Variants in CCDC171 observed in about 807,000 individuals in gnomAD.
CCDC171 encodes coiled-coil domain-containing protein 171.
CCDC171 carries 177 observed loss-of-function variants against 168.2 expected under a neutral mutation model. That is an observed-to-expected ratio of 1.05 (90% confidence interval 0.93 to 1.19). The LOEUF (loss-of-function observed/expected upper bound fraction) is 1.19, where lower values mean the gene tolerates loss of function less well. Ranked by LOEUF, CCDC171 falls within the 50% of genes most tolerant of loss-of-function variation. CCDC171 has a pLI of 0.00. For synonymous variants in CCDC171, 687 were observed against 540.8 expected (o/e 1.27, Z -3.75); for missense variants, 1,991 against 1,539.0 (o/e 1.29, Z -4.91).
chr9:16,094,719 G>A, the CCDC171 span, among the ~76,000 whole-genome samples: 1 of 152,180 alleles, frequency 6.6e-6, no homozygotes, highest in Non-Finnish European at 1.5e-5. Flanking sequence ...TAATATTAAA[G>A]CAAACAAGTT....
At chr9:15,822,912 A>G (rs1420683875) in intron 21 of CCDC171, among the ~76,000 whole-genome samples, 3 of 152,202 alleles carry the variant, frequency 2.0e-5, no homozygotes, top group East Asian at 1.9e-4. Context: ...ACTATTCACA[A>G]TAGCAAAGAC....
chr9:15,740,864 G>T (rs1472182138), intron 16 of CCDC171, among the ~76,000 whole-genome samples: 3 of 152,116 alleles, frequency 2.0e-5, no homozygotes, highest in Non-Finnish European at 4.4e-5. Context: ...TTTTTTGGTG[G>T]AATTGTACTA....
intron 7 of CCDC171, among the ~76,000 whole-genome samples, chr9:15,656,406 G>A (rs1423005943): frequency 6.6e-6 from 1 of 151,810 alleles, no homozygotes; most frequent in East Asian, 1.9e-4. Context: ...AGAAATGAAA[G>A]TGTGTGTCTC....
the CCDC171 span, among the ~76,000 whole-genome samples, chr9:16,085,725 AT>A: frequency 6.6e-6 from 1 of 152,204 alleles, no homozygotes; most frequent in East Asian, 1.9e-4. Flanking sequence ...CATGAACATT[AT>A]TCCTTTTTAA....
chr9:15,814,481 C>T (rs1215263214), intron 21 of CCDC171, among the ~76,000 whole-genome samples: 1 of 152,086 alleles, frequency 6.6e-6, no homozygotes. Context: ...GAAACTGTTA[C>T]TTCCTTGAAA....
chr9:15,686,879 A>C (rs1056832618), intron 10 of CCDC171, among the ~76,000 whole-genome samples: 5 of 152,218 alleles, frequency 3.3e-5, no homozygotes, highest in African/African-American at 1.2e-4. Flanking sequence ...AATAAATAGA[A>C]GACTCAACAG....
intron 24 of CCDC171, among the ~76,000 whole-genome samples, chr9:15,912,683 A>G (rs920854868): frequency 1.3e-5 from 2 of 152,198 alleles, no homozygotes; most frequent in Admixed American, 6.5e-5. Context: ...TTTGTCATAA[A>G]TAGCTCTTAT....
Position 15,744,796 on chromosome 9 carries a change from T to C in CCDC171, c.2554+19T>C, listed in dbSNP as rs766340532. 4.7e-5 allele frequency: 75 copies of C among 1,599,162 alleles called. No homozygotes were observed. The highest frequency in any genetic ancestry group is 6.1e-5 in the Non-Finnish European group (71 of 1,173,392). ...TTTCCAAGTAAGATAATTTCTGCTT[T>C]TAAAAATATAAGTTGCATGTAAGCG... On this transcript the variant is annotated intron_variant, in intron 17 of 25. Transcript: ENST00000380701.
At chr9:16,005,047 C>T (rs577900373) in intron 3 of CCDC171, among the ~76,000 whole-genome samples, 2 of 152,210 alleles carry the variant, frequency 1.3e-5, no homozygotes, top group South Asian at 2.1e-4. Flanking sequence ...ATAATTCACC[C>T]ATTAAAGTGT....
intron 7 of CCDC171, among the ~76,000 whole-genome samples, chr9:15,639,046 C>G (rs1369964340): frequency 1.3e-5 from 2 of 151,934 alleles, no homozygotes; most frequent in Non-Finnish European, 2.9e-5. Context: ...CAGTCATATT[C>G]TATATTATAG....
chr9:15,629,495 C>T (rs549052993), intron 7 of CCDC171, among the ~76,000 whole-genome samples: 199 of 152,130 alleles, frequency 1.3e-3, no homozygotes, highest in Middle Eastern at 0.01. Context: ...TAAAAAGAAA[C>T]GAACAAAGCC....
At chr9:15,916,369 C>T (rs1289331332) in intron 24 of CCDC171, among the ~76,000 whole-genome samples, 1 of 150,914 alleles carries the variant, frequency 6.6e-6, no homozygotes, top group Admixed American at 6.7e-5. Flanking sequence ...TTACATTTCA[C>T]ATATTTAGTA....
chr9:15,959,287 G>GT (rs1830124108), intron 25 of CCDC171, among the ~76,000 whole-genome samples: 1 of 152,042 alleles, frequency 6.6e-6, no homozygotes, highest in African/African-American at 2.4e-5. Context: ...AAAGTAACAG[G>GT]TCTTACCATA....
chr9:15,946,718 T>A (rs895289704), intron 25 of CCDC171, among the ~76,000 whole-genome samples: 1 of 152,006 alleles, frequency 6.6e-6, no homozygotes, highest in African/African-American at 2.4e-5. Context: ...GCCAAGTCAA[T>A]CCTAAGCCAA....
intron 7 of CCDC171, among the ~76,000 whole-genome samples, chr9:15,637,457 TTTTG>T (rs987778645): frequency 2.6e-5 from 4 of 151,890 alleles, no homozygotes; most frequent in Admixed American, 6.6e-5. Flanking sequence ...TTTAAAATTT[TTTTG>T]TTTATTTTAT....
the CCDC171 span, among the ~76,000 whole-genome samples, chr9:16,102,744 G>T: frequency 1.6e-4 from 25 of 152,256 alleles, no homozygotes; most frequent in African/African-American, 5.8e-4. Flanking sequence ...CGTCCCCCTG[G>T]CCTCATGCTG....
chr9:15,571,584 A>G, intron 2 of CCDC171, 40 bp from the exon 3 acceptor site: 1 of 1,447,658 alleles, frequency 6.9e-7, no homozygotes, highest in African/African-American at 1.5e-5. Flanking sequence ...AATGTGCTTT[A>G]TGAGAAGCAT....
At chr9:15,990,684 T>C (rs1211675094) in intron 3 of CCDC171, among the ~76,000 whole-genome samples, 1 of 152,144 alleles carries the variant, frequency 6.6e-6, no homozygotes, top group African/African-American at 2.4e-5. Flanking sequence ...GACACCCATC[T>C]TACATGCAGA....
chr9:16,056,061 TC>T (rs1429985996), intron 1 of CCDC171, among the ~76,000 whole-genome samples: 3 of 152,198 alleles, frequency 2.0e-5, no homozygotes, highest in South Asian at 2.1e-4. Flanking sequence ...CATTGCATAT[TC>T]AACAGATCAC....
Sources: gnomAD v4.1 joint callset for allele counts (sites outside exome capture counted in the v4.1 genomes callset) on GRCh38, gnomAD v4.1.1 for gene constraint, MANE v1.5 for transcripts, NCBI Gene and HGNC (gene_info 2026-07-23, HGNC 2026-07-21) for gene names.